PRKG1: variants seen among roughly 807,000 people sequenced by gnomAD.
PRKG1 encodes protein kinase cGMP-dependent 1.
In PRKG1, 35 loss-of-function variants were observed where a neutral mutation model predicts 88.1. That is an observed-to-expected ratio of 0.40 (90% CI 0.30 to 0.53). The LOEUF (loss-of-function observed/expected upper bound fraction) is 0.53. Among genes scored for constraint, PRKG1 ranks in the 20% least tolerant of loss-of-function variants. PRKG1 has a pLI of 0.59. For synonymous variants in PRKG1, 303 were observed against 292.5 expected (o/e 1.04, Z -0.37); for missense variants, 540 against 839.8 (o/e 0.64, Z 4.41).
chr10:52,204,548 A>G (rs1357085588), intron 9 of PRKG1, among the ~76,000 whole-genome samples: 1 of 152,118 alleles, frequency 6.6e-6, no homozygotes, highest in African/African-American at 2.4e-5. Flanking sequence ...TACTTTTATA[A>G]TTTCTTACGC....
chr10:51,549,120 C>CTTTTTTTTTTTTTT lies in PRKG1; in HGVS notation c.592+81292_592+81305dup, dbSNP rs56045527. On this transcript the variant is annotated intron_variant, in intron 3 of 17. Transcript: ENST00000373980. ...TTCTTTCCTTTCTTTCTTTTCTTTTCTTTTTTTTTTTTTTTTTTTTTGAGA... is the reference window on the plus strand; with the variant it reads ...TTCTTTCCTTTCTTTCTTTTCTTTTCTTTTTTTTTTTTTTTTTTTTTTTTTTTTTTTTTTTGAGA... Among the ~76,000 whole-genome samples the CTTTTTTTTTTTTTT allele has an allele frequency of 2.0e-3, 142 of 70,320 alleles. 6 individuals carry two copies. The highest frequency in any genetic ancestry group is 2.5e-3 in the Non-Finnish European group (97 of 38,962). The allele number at this position is 70,320 out of a possible 152,430, so 46.1% of individuals were successfully genotyped here.
At position 50,992,209 on chromosome 10, in the gene PRKG1, C is replaced by A. The variant is rs570088554; in HGVS notation, c.266+565C>A. ...TGGCGGATGCGGGGACAGGGAGAGG[C>A]GGGACAGGGGCTTGTCTCTAGGGCA... On this transcript the variant is annotated intron_variant, in intron 1 of 17. Transcript: ENST00000401604. Among the ~76,000 whole-genome samples the A allele has an allele frequency of 3.5e-3, 536 of 151,620 alleles. 4 individuals are homozygous for A. The highest frequency in any genetic ancestry group is 0.012 in the African/African-American group (501 of 41,316).
chr10:51,406,621 G>T (rs968250712), intron 2 of PRKG1, among the ~76,000 whole-genome samples: 158 of 141,986 alleles, frequency 1.1e-3, no homozygotes, highest in Admixed American at 3.8e-3. Flanking sequence ...CATTATGTTT[G>T]TTTTTTTTTT....
At chr10:51,743,726 A>ATAT (rs1274767875) in intron 3 of PRKG1, among the ~76,000 whole-genome samples, 11 of 39,608 alleles carry the variant, frequency 2.8e-4, no homozygotes, top group African/African-American at 5.8e-4. Context: ...ATATATATAT[A>ATAT]ATATAAACTA....
chr10:51,392,135 A>ATT (rs199677751), intron 2 of PRKG1, among the ~76,000 whole-genome samples: 6 of 147,362 alleles, frequency 4.1e-5, no homozygotes, highest in South Asian at 4.3e-4. Context: ...TACATGATGA[A>ATT]TTTTTTTTTT....
chr10:51,956,663 A>C (rs140789817), intron 5 of PRKG1, among the ~76,000 whole-genome samples: 106 of 152,224 alleles, frequency 7.0e-4, no homozygotes, highest in African/African-American at 2.4e-3. Context: ...TGAAACTACG[A>C]CAACCAATAC....
intron 5 of PRKG1, among the ~76,000 whole-genome samples, chr10:52,032,466 CTGTCTAGCTTGTGATAAATGTTAAAT>C (rs1189182908): frequency 1.3e-5 from 2 of 152,090 alleles, no homozygotes; most frequent in South Asian, 2.1e-4. Context: ...CCTTAACACA[CTGTCTAGCTTGTGATAAATGTTAAAT>C]TGTCTAGCAT....
At chr10:51,704,510 A>G (rs773193100) in intron 3 of PRKG1, among the ~76,000 whole-genome samples, 1 of 152,216 alleles carries the variant, frequency 6.6e-6, no homozygotes, top group Non-Finnish European at 1.5e-5. Context: ...TAGTTCTTCC[A>G]TGTTGCCATT....
chr10:51,160,345 A>C (rs1164686582), intron 2 of PRKG1, among the ~76,000 whole-genome samples: 1 of 152,176 alleles, frequency 6.6e-6, no homozygotes, highest in East Asian at 1.9e-4. Flanking sequence ...GGTATCCTGA[A>C]TAATTTTCTG....
At chr10:51,155,894 A>G (rs538227388) in intron 2 of PRKG1, among the ~76,000 whole-genome samples, 1 of 152,100 alleles carries the variant, frequency 6.6e-6, no homozygotes, top group East Asian at 1.9e-4. Flanking sequence ...TCTTCACCAA[A>G]ACGTCTACAG....
At chr10:51,044,742 G>A (rs553203408) in intron 1 of PRKG1, among the ~76,000 whole-genome samples, 2 of 152,198 alleles carry the variant, frequency 1.3e-5, no homozygotes, top group East Asian at 3.9e-4. Context: ...GCTAGGTGGG[G>A]AGAGTGATAG....
chr10:52,183,125 C>T (rs1039080024), intron 9 of PRKG1, among the ~76,000 whole-genome samples: 1 of 152,174 alleles, frequency 6.6e-6, no homozygotes, highest in Non-Finnish European at 1.5e-5. Flanking sequence ...AGACATCAAC[C>T]TCCATGGCCC....
chr10:51,841,478 C>T (rs1397132745), intron 4 of PRKG1, among the ~76,000 whole-genome samples: 1 of 152,060 alleles, frequency 6.6e-6, no homozygotes, highest in African/African-American at 2.4e-5. Flanking sequence ...TATGGGTAGG[C>T]TTTCAGGAGG....
intron 3 of PRKG1, among the ~76,000 whole-genome samples, chr10:51,543,442 G>A (rs1007656675): frequency 6.6e-6 from 1 of 152,130 alleles, no homozygotes; most frequent in African/African-American, 2.4e-5. Flanking sequence ...ATAATCACAG[G>A]CTACAAAAGA....
chr10:51,947,439 G>A (rs566478899), intron 5 of PRKG1, among the ~76,000 whole-genome samples: 23 of 150,898 alleles, frequency 1.5e-4, no homozygotes, highest in African/African-American at 5.1e-4. Flanking sequence ...GCCTCGCCCT[G>A]CTTCGGCTCG....
Position 52,257,502 on chromosome 10 carries a change from A to C in PRKG1, c.1173+5836A>C, listed in dbSNP as rs1841337571. Among the ~76,000 whole-genome samples the C allele has an allele frequency of 1.4e-5, 2 of 139,914 alleles. 1 individual carries two copies. Among genetic ancestry groups the C allele is most frequent in the Non-Finnish European group, 3.2e-5 (2 of 61,820 alleles). 91.8% of individuals were successfully genotyped at this position (139,914 alleles called of 152,430 possible). The stretch of plus-strand genomic sequence containing the variant: ...CTACTGCCAAGCCGCACAGCAATGA[A>C]ACAGAATAGCTATGGAGATCTTTGG... On this transcript the variant is annotated intron_variant, in intron 10 of 17. Coordinates refer to ENST00000373980, the MANE Select transcript of PRKG1 (RefSeq NM_006258.4).
chr10:51,691,052 T>C (rs1470863648), intron 3 of PRKG1, among the ~76,000 whole-genome samples: 2 of 150,804 alleles, frequency 1.3e-5, no homozygotes, highest in Non-Finnish European at 3.0e-5. Context: ...TTTATAAATA[T>C]ATGTTTTCAT....
chr10:51,789,647 A>G (rs540692057), intron 3 of PRKG1, among the ~76,000 whole-genome samples: 1 of 152,160 alleles, frequency 6.6e-6, no homozygotes, highest in Non-Finnish European at 1.5e-5. Context: ...GCCTAAGAGC[A>G]CCAGACAGGA....
intron 2 of PRKG1, among the ~76,000 whole-genome samples, chr10:51,388,822 T>C (rs759981739): frequency 6.6e-6 from 1 of 152,238 alleles, no homozygotes; most frequent in Non-Finnish European, 1.5e-5. Flanking sequence ...GTGGTCTGGT[T>C]AAAAGGAAGT....
Sources: allele counts gnomAD v4.1 joint callset (sites outside exome capture counted in the v4.1 genomes callset), GRCh38; gene constraint gnomAD v4.1.1; transcripts MANE v1.5; gene names NCBI Gene and HGNC (gene_info 2026-07-23, HGNC 2026-07-21).